PARP8: variants seen among roughly 807,000 people sequenced by gnomAD.
PARP8 encodes protein mono-ADP-ribosyltransferase PARP8.
Under a neutral mutation model 124.1 loss-of-function variants are expected in PARP8, and 51 were observed. The ratio of observed to expected loss-of-function variants is 0.41; its 90% CI spans 0.33 to 0.52. The LOEUF (loss-of-function observed/expected upper bound fraction) is 0.52. PARP8 is among the 20% of genes least tolerant of loss of function. The pLI is 0.21. For missense variants in PARP8, 860 were observed against 1,018.9 expected, an observed-to-expected ratio of 0.84 and a Z score of 2.12; for synonymous variants, 391 against 361.5, an observed-to-expected ratio of 1.08 and a Z score of -0.93.
chr5:50,771,360 T>C (rs1345217465), intron 7 of PARP8, among the ~76,000 whole-genome samples: 2 of 152,166 alleles, frequency 1.3e-5, no homozygotes, highest in Non-Finnish European at 2.9e-5. Flanking sequence ...GGTTTCACCA[T>C]GTTGGTCAGG....
In PARP8 at chr5:50,750,909, G is replaced by A. The variant is rs1759182285; in HGVS notation, c.184+721G>A. Among the ~76,000 whole-genome samples, 5 of 116,954 alleles carry A rather than the reference G, an allele frequency of 4.3e-5. No homozygotes were observed. The South Asian group carries it at 1.3e-3, about 30-fold the overall frequency. The allele number at this position is 116,954 out of a possible 152,430, so 76.7% of individuals were successfully genotyped here. A position where few individuals can be genotyped will look rare whatever the true frequency, so the allele number is the denominator to read the frequency against. On this transcript the variant is annotated intron_variant, in intron 3 of 25. Transcript: ENST00000281631. ...TTTACTGGAAGAACCAATACAAGAAGTATTTATAAGAAAAATACTTTTTAT... is the reference window on the plus strand; with the variant it reads ...TTTACTGGAAGAACCAATACAAGAAATATTTATAAGAAAAATACTTTTTAT...
In PARP8 at chr5:50,792,906, T is replaced by G. The variant is rs547137761; in HGVS notation, c.738-1301T>G. ...TGATATACTTTCTGGCGATCTGAGT[T>G]AGTTTGTTAAGACCTGAAGGATCCT... On this transcript the variant is annotated intron_variant, in intron 10 of 25. Transcript: ENST00000281631. 4.0e-5 allele frequency among the ~76,000 whole-genome samples: 6 copies of G among 151,142 alleles called. No homozygotes were observed. In the East Asian group the frequency reaches 1.2e-3, roughly 29 times the overall value.
intron 2 of PARP8, among the ~76,000 whole-genome samples, chr5:50,683,303 A>T (rs1376672390): frequency 6.6e-6 from 1 of 152,178 alleles, no homozygotes; most frequent in Non-Finnish European, 1.5e-5. Context: ...TGACAAGGAC[A>T]TTGAGGATTA....
At chr5:50,776,660 A>G (rs771583300) in intron 7 of PARP8, among the ~76,000 whole-genome samples, 1 of 152,210 alleles carries the variant, frequency 6.6e-6, no homozygotes, top group African/African-American at 2.4e-5. Context: ...GCTACTTTAT[A>G]TTCTAATATG....
intron 2 of PARP8, among the ~76,000 whole-genome samples, chr5:50,707,112 C>G (rs780614452): frequency 7.2e-5 from 11 of 151,956 alleles, no homozygotes; most frequent in Non-Finnish European, 1.3e-4. Flanking sequence ...TGATATAAAA[C>G]CTTTTTTGTA....
At chr5:50,786,629 A>C (rs1379445675) in intron 9 of PARP8, among the ~76,000 whole-genome samples, 1 of 151,804 alleles carries the variant, frequency 6.6e-6, no homozygotes, top group Non-Finnish European at 1.5e-5. Flanking sequence ...GAGCCTCCCA[A>C]AGTATTGGGG....
rs758063027 is a variant in PARP8, at chr5:50,794,985, T to C, written c.996T>C (p.Cys332=). 6.2e-7 allele frequency: 1 copy of C among 1,614,138 alleles called. No homozygotes were observed. Among genetic ancestry groups the C allele is most frequent in the Non-Finnish European group, 8.5e-7 (1 of 1,180,054 alleles). Residue 332 remains cysteine (C), a synonymous_variant, in exon 12 of 26, where the codon TGT becomes TGC. Coordinates refer to ENST00000281631, the MANE Select transcript of PARP8 (RefSeq NM_024615.4). ...GCACAGTCAAGACTGATGATGTGTG[T>C]GTCACAAAGTCACACAGGACCTTTG... ...CSSTVKTDDV[C]VTKSHRTFGR... is the part of the protein sequence containing the mutation.
intron 2 of PARP8, among the ~76,000 whole-genome samples, chr5:50,684,359 A>G (rs1751620504): frequency 6.6e-6 from 1 of 152,094 alleles, no homozygotes; most frequent in African/African-American, 2.4e-5. Context: ...GGACATGTTG[A>G]TCTTAGGGGG....
Position 50,753,299 on chromosome 5 carries a change from G to A in PARP8, c.184+3111G>A, listed in dbSNP as rs532256128. ...CTTATCCCTAGTAGAGGAATGAAGG[G>A]ATACTTTCTGGATCCTCTGGCACCT... On this transcript the variant is annotated intron_variant, in intron 3 of 25. Coordinates refer to ENST00000281631, the MANE Select transcript of PARP8 (RefSeq NM_024615.4). Among the ~76,000 whole-genome samples the A allele has an allele frequency of 8.5e-5, 13 of 152,090 alleles. No individual in the cohort carries two copies. In the South Asian group the frequency reaches 2.5e-3, roughly 29 times the overall value.
intron 2 of PARP8, among the ~76,000 whole-genome samples, chr5:50,693,315 A>G (rs1473377882): frequency 6.6e-6 from 1 of 152,176 alleles, no homozygotes; most frequent in Non-Finnish European, 1.5e-5. Flanking sequence ...AATGAATGAC[A>G]TTTAGCCAGT....
chr5:50,826,635 T>C, intron 18 of PARP8, 120 bp from the exon 19 acceptor site: 1 of 1,249,014 alleles, frequency 8.0e-7, no homozygotes, highest in Non-Finnish European at 1.1e-6. Context: ...CTAAATGAAA[T>C]TATTTCCAAG....
intron 7 of PARP8, among the ~76,000 whole-genome samples, chr5:50,776,539 T>A (rs1040562175): frequency 6.6e-6 from 1 of 152,198 alleles, no homozygotes; most frequent in Non-Finnish European, 1.5e-5. Flanking sequence ...TCCCTTTATG[T>A]AACATTTAAA....
chr5:50,667,770 C>T (rs1749508259), intron 1 of PARP8: 2 of 772,646 alleles, frequency 2.6e-6, no homozygotes, highest in Non-Finnish European at 2.2e-6. Context: ...TTTGCTCCCC[C>T]GGGATTTTGC....
intron 17 of PARP8, among the ~76,000 whole-genome samples, chr5:50,824,594 T>C (rs1005264180): frequency 1.9e-4 from 29 of 152,158 alleles, no homozygotes; most frequent in African/African-American, 7.0e-4. Flanking sequence ...TCACGTTTTC[T>C]TGAGCAGAAA....
rs921621800 is a variant in PARP8 at position 50,843,291 on chromosome 5, C to T, written c.*1223C>T. The T allele has an allele frequency of 7.3e-5, 11 of 151,520 alleles. No homozygotes were observed. Among genetic ancestry groups the T allele is most frequent in the African/African-American group, 2.7e-4 (11 of 41,310 alleles). 9.4% of individuals were successfully genotyped at this position (151,520 alleles called of 1,614,324 possible). ...CCCACATGTTGTCTTTGGAATAAGG[C>T]CATTCATGAAAGCAGTTTAATTAGT... On this transcript the variant is annotated 3_prime_UTR_variant, in exon 26 of 26. Coordinates refer to ENST00000281631, the MANE Select transcript of PARP8 (RefSeq NM_024615.4).
chr5:50,754,154 C>T (rs71590689), intron 3 of PARP8, among the ~76,000 whole-genome samples: 6,779 of 36,818 alleles, frequency 0.18, 441 homozygotes, highest in South Asian at 0.26. Flanking sequence ...TATATATACA[C>T]ACACACACAC....
intron 14 of PARP8, among the ~76,000 whole-genome samples, chr5:50,815,018 G>A (rs527980771): frequency 6.6e-6 from 1 of 152,036 alleles, no homozygotes; most frequent in East Asian, 1.9e-4. Flanking sequence ...GGAAAAAGTG[G>A]AATTCTCCTT....
At chr5:50,839,821 CT>C (rs917996770) in intron 25 of PARP8, among the ~76,000 whole-genome samples, 1 of 151,830 alleles carries the variant, frequency 6.6e-6, no homozygotes, top group Non-Finnish European at 1.5e-5. Flanking sequence ...ACTTCTAATG[CT>C]TTTTAAGTGT....
chr5:50,726,039 A>G (rs1418830431), intron 2 of PARP8, among the ~76,000 whole-genome samples: 1 of 152,126 alleles, frequency 6.6e-6, no homozygotes, highest in Non-Finnish European at 1.5e-5. Context: ...TTGAAAGCTG[A>G]CAACTTGATT....
Sources: allele counts gnomAD v4.1 joint callset (sites outside exome capture counted in the v4.1 genomes callset), GRCh38; gene constraint gnomAD v4.1.1; transcripts MANE v1.5; gene names NCBI Gene and HGNC (gene_info 2026-07-23, HGNC 2026-07-21).